Variants in PURG observed in about 807,000 individuals in gnomAD.
PURG encodes purine rich element binding protein G.
In PURG, 3 loss-of-function variants were observed where a neutral mutation model predicts 24.3. The ratio of observed to expected loss-of-function variants is 0.12; its 90% CI spans 0.06 to 0.32. PURG has a LOEUF of 0.32. Ranked by LOEUF, PURG falls within the 10% of genes least tolerant of loss-of-function variation. The pLI is 1.00. For synonymous variants in PURG, 180 were observed against 173.1 expected (o/e 1.04, Z -0.31); for missense variants, 371 against 439.1 (o/e 0.84, Z 1.39).
At chr8:31,002,359 T>C (rs1810554265) in intron 1 of PURG, among the ~76,000 whole-genome samples, 1 of 152,198 alleles carries the variant, frequency 6.6e-6, no homozygotes, top group Non-Finnish European at 1.5e-5. Context: ...TATATTTTCT[T>C]TTAAAAAAGG....
rs961201983 is a variant in PURG, at chr8:31,033,173, G to C, written c.-102C>G. 1 of 203,594 alleles carries C rather than the reference G, an allele frequency of 4.9e-6. No individual in the cohort carries two copies. The highest frequency in any genetic ancestry group is 9.7e-6 in the Non-Finnish European group (1 of 103,448). 12.6% of individuals were successfully genotyped at this position (203,594 alleles called of 1,614,324 possible). A position where few individuals can be genotyped will look rare whatever the true frequency, so the allele number is the denominator to read the frequency against. ...CCCCTCTGCTGCAGCCGCCGCAGCC[G>C]CCGCCCCCCGCCTCCTCCCCCGCCG... On this transcript the variant is annotated 5_prime_UTR_variant, in exon 1 of 2. Coordinates refer to ENST00000523392, the MANE Select transcript of PURG (RefSeq NM_001323311.2).
chr8:31,003,935 C>T (rs1810592550), intron 1 of PURG, among the ~76,000 whole-genome samples: 1 of 152,186 alleles, frequency 6.6e-6, no homozygotes, highest in Non-Finnish European at 1.5e-5. Flanking sequence ...TAGCCAAAGG[C>T]CAGCTCAACC....
chr8:31,007,563 C>T (rs1372528167), intron 1 of PURG, among the ~76,000 whole-genome samples: 1 of 152,088 alleles, frequency 6.6e-6, no homozygotes, highest in African/African-American at 2.4e-5. Flanking sequence ...ATAAGAAAAA[C>T]AGACACTGAA....
intron 1 of PURG, among the ~76,000 whole-genome samples, chr8:31,000,563 G>A (rs1260589459): frequency 1.3e-5 from 2 of 152,070 alleles, no homozygotes; most frequent in South Asian, 4.1e-4. Flanking sequence ...GATGACCTGG[G>A]CTCTGCTACA....
At chr8:31,010,111 T>TA (rs1246015911) in intron 1 of PURG, among the ~76,000 whole-genome samples, 3 of 151,814 alleles carry the variant, frequency 2.0e-5, no homozygotes, top group Non-Finnish European at 2.9e-5. Flanking sequence ...AAATAAAAAA[T>TA]AAAAAAATAA....
chr8:31,001,516 G>A (rs1267954758), intron 1 of PURG, among the ~76,000 whole-genome samples: 1 of 152,158 alleles, frequency 6.6e-6, no homozygotes, highest in Non-Finnish European at 1.5e-5. Flanking sequence ...ATCTAGCATT[G>A]TCCATGTTGT....
chr8:30,999,965 T>G (rs1405372134), intron 1 of PURG, among the ~76,000 whole-genome samples: 1 of 87,930 alleles, frequency 1.1e-5, no homozygotes, highest in Non-Finnish European at 2.1e-5. Flanking sequence ...GTCGTATGTG[T>G]TTTCCTTTAA....
intron 1 of PURG, among the ~76,000 whole-genome samples, chr8:31,006,504 G>C (rs1369499793): frequency 1.3e-5 from 2 of 149,532 alleles, no homozygotes; most frequent in African/African-American, 2.4e-5. Context: ...TGAGGCAAGA[G>C]AATAGCTCCG....
intron 1 of PURG, among the ~76,000 whole-genome samples, chr8:31,014,610 A>C (rs1445669298): frequency 1.3e-5 from 2 of 152,250 alleles, no homozygotes; most frequent in Non-Finnish European, 2.9e-5. Flanking sequence ...AAAGCTGTTT[A>C]AAGGTAAACC....
rs1050736062 is a variant in PURG, at chr8:31,032,462, G to A, written c.321C>T (p.Leu107=). 1 of 1,614,204 alleles carries A rather than the reference G, an allele frequency of 6.2e-7. No individual in the cohort carries two copies. Among genetic ancestry groups the A allele is most frequent in the East Asian group, 2.2e-5 (1 of 44,874 alleles). Residue 107 remains leucine, a synonymous_variant, in exon 2 of 2, where the codon CTC becomes CTT. Coordinates refer to ENST00000523392, the MANE Select transcript of PURG (RefSeq NM_001323311.2). The surrounding 1 kb of genome is among the most constrained non-coding windows in gnomAD (Gnocchi z 5.9). ...QDNIRKSKLT[L]SLSVAAELKD... Reference sequence around the variant, plus strand: ...TCAGCTCCGCTGCCACAGACAGGGAGAGGGTCAGTTTACTCTTTCTGATGT... The same window carrying A: ...TCAGCTCCGCTGCCACAGACAGGGAAAGGGTCAGTTTACTCTTTCTGATGT...
At chr8:31,020,641 T>G (rs1402282884) in intron 1 of PURG, among the ~76,000 whole-genome samples, 1 of 152,164 alleles carries the variant, frequency 6.6e-6, no homozygotes, top group Non-Finnish European at 1.5e-5. Context: ...AGAAAATAAT[T>G]TTTTACAAAA....
In PURG at chr8:31,033,169, A is replaced by AGCC. The variant is rs1364645866; in HGVS notation, c.-101_-99dup. ...TCGGCCCCTCTGCTGCAGCCGCCGC[A>AGCC]GCCGCCGCCCCCCGCCTCCTCCCCC... On this transcript the variant is annotated 5_prime_UTR_variant, in exon 1 of 2. Transcript: ENST00000523392. 3 of 198,950 alleles carry AGCC rather than the reference A, an allele frequency of 1.5e-5. No individual in the cohort carries two copies. The highest frequency in any genetic ancestry group is 2.0e-5 in the Non-Finnish European group (2 of 102,032). 12.3% of individuals were successfully genotyped at this position (198,950 alleles called of 1,614,324 possible).
chr8:31,010,145 G>T (rs1810737508), intron 1 of PURG, among the ~76,000 whole-genome samples: 1 of 152,152 alleles, frequency 6.6e-6, no homozygotes, highest in Non-Finnish European at 1.5e-5. Context: ...GCAGGGAAAA[G>T]ATTTACTCGC....
rs200420764 is a variant in PURG, at chr8:31,031,285, C to T, written c.*454G>A. The stretch of plus-strand genomic sequence containing the variant: ...TTTATAAGTAAATATTTATATATAC[C>T]GGAGGTCAATTTCTGTTTCTGTGGT... On this transcript the variant is annotated 3_prime_UTR_variant, in exon 2 of 2. Coordinates refer to ENST00000523392, the MANE Select transcript of PURG (RefSeq NM_001323311.2). 6.9e-5 allele frequency: 11 copies of T among 158,334 alleles called. No individual in the cohort carries two copies. In the East Asian group the frequency reaches 1.7e-3, roughly 24 times the overall value. 9.8% of individuals were successfully genotyped at this position (158,334 alleles called of 1,614,324 possible).
intron 1 of PURG, among the ~76,000 whole-genome samples, chr8:31,002,665 G>A (rs1205381843): frequency 1.3e-5 from 2 of 151,984 alleles, no homozygotes; most frequent in Non-Finnish European, 2.9e-5. Context: ...TGTATTTTTC[G>A]TAGAGATGGT....
At chr8:31,008,930 T>G (rs908281250) in intron 1 of PURG, among the ~76,000 whole-genome samples, 1 of 152,204 alleles carries the variant, frequency 6.6e-6, no homozygotes, top group Non-Finnish European at 1.5e-5. Context: ...GAGCTGAAAT[T>G]ACTGCCATTG....
At chr8:31,004,340 C>T (rs908328529) in intron 1 of PURG, among the ~76,000 whole-genome samples, 6 of 152,138 alleles carry the variant, frequency 3.9e-5, no homozygotes, top group African/African-American at 1.4e-4. Context: ...TGAGGCATCA[C>T]CATATTGATA....
intron 1 of PURG, among the ~76,000 whole-genome samples, chr8:30,997,478 G>C (rs1810451268): frequency 1.3e-5 from 2 of 151,580 alleles, no homozygotes; most frequent in African/African-American, 4.8e-5. Context: ...CCTTCACAAG[G>C]ATAGACCTCT....
rs1810695641 is a variant in PURG at position 31,008,321 on chromosome 8, G to A, written c.865-11624C>T. Among the ~76,000 whole-genome samples the A allele has an allele frequency of 1.3e-5, 2 of 152,128 alleles. 1 individual carries two copies. The highest frequency in any genetic ancestry group is 4.1e-4 in the South Asian group (2 of 4,824). ...CATTTAACTTTCTGTTTTTTGAGATGGAATCTTGCTCTGTTGCCCAGCCTG... is the reference window on the plus strand; with the variant it reads ...CATTTAACTTTCTGTTTTTTGAGATAGAATCTTGCTCTGTTGCCCAGCCTG... On this transcript the variant is annotated intron_variant, in intron 1 of 1. Transcript: ENST00000339382.
Sources: allele counts gnomAD v4.1 joint callset (sites outside exome capture counted in the v4.1 genomes callset), GRCh38; gene constraint gnomAD v4.1.1; non-coding constraint Gnocchi (gnomAD v3.1); transcripts MANE v1.5; gene names NCBI Gene and HGNC (gene_info 2026-07-23, HGNC 2026-07-21).